Variants in AGBL1 observed in about 807,000 individuals in gnomAD.
AGBL1 encodes AGBL carboxypeptidase 1.
AGBL1 carries 130 observed loss-of-function variants against 118.9 expected under a neutral mutation model. The ratio of observed to expected loss-of-function variants is 1.09; its 90% CI spans 0.95 to 1.26. The LOEUF (loss-of-function observed/expected upper bound fraction) is 1.26, where lower values mean the gene tolerates loss of function less well. Among genes scored for constraint, AGBL1 ranks in the 50% most tolerant of loss-of-function variants. The pLI is 0.00. For synonymous variants in AGBL1, 555 were observed against 478.9 expected (o/e 1.16, Z -2.08); for missense variants, 1,584 against 1,298.1 (o/e 1.22, Z -3.38).
At chr15:86,696,231 A>G (rs577244926) in intron 22 of AGBL1, among the ~76,000 whole-genome samples, 2 of 152,076 alleles carry the variant, frequency 1.3e-5, no homozygotes, top group South Asian at 4.1e-4. Context: ...TCTTAGGTCT[A>G]GTAGTAACTG....
In AGBL1 at chr15:86,522,867, T is replaced by A; in HGVS notation, c.2613T>A (p.Ala871=). 1 of 1,613,948 alleles carries A rather than the reference T, an allele frequency of 6.2e-7. No homozygotes were observed. The highest frequency in any genetic ancestry group is 1.3e-5 in the African/African-American group (1 of 75,046). ...ACAGACAATGGCTTTCTCCCAGTGC[T>A]CATCTGCAGCCAACCATTTACCATG... ...DLNRQWLSPS[A]HLQPTIYHAK... The change falls in exon 19 of 23, where the codon GCT becomes GCA. Residue 871 remains alanine, a synonymous_variant. Transcript: ENST00000614907.
intron 24 of AGBL1, among the ~76,000 whole-genome samples, chr15:87,015,153 C>G (rs2081597143): frequency 1.3e-5 from 2 of 152,114 alleles, no homozygotes; most frequent in Admixed American, 1.3e-4. Context: ...ACTCTGAAAC[C>G]TGCACCTTTA....
At chr15:86,573,576 C>T (rs1002898205) in intron 21 of AGBL1, among the ~76,000 whole-genome samples, 1 of 152,180 alleles carries the variant, frequency 6.6e-6, no homozygotes, top group Non-Finnish European at 1.5e-5. Flanking sequence ...TCCTAGTTGT[C>T]TTTCATCCTA....
rs76097641 is a variant in AGBL1 at position 86,214,271 on chromosome 15, T to C, written c.489-10643T>C. On this transcript the variant is annotated intron_variant, in intron 5 of 22. Coordinates refer to ENST00000614907, the MANE Select transcript of AGBL1 (RefSeq NM_001386094.1). ...GAGATAGGATATCACATCTTTTCTT[T>C]TGTGCTGCCAGATATTTCAAGAGTG... Among the ~76,000 whole-genome samples the C allele has an allele frequency of 1.6e-3, 248 of 152,326 alleles. 11 individuals are homozygous for C. In the East Asian group the frequency reaches 0.047, roughly 29 times the overall value.
intron 21 of AGBL1, among the ~76,000 whole-genome samples, chr15:86,595,449 C>T (rs1378452561): frequency 6.6e-6 from 1 of 152,150 alleles, no homozygotes; most frequent in African/African-American, 2.4e-5. Context: ...TCCTTGGCTT[C>T]AACTATGAAT....
intron 17 of AGBL1, among the ~76,000 whole-genome samples, chr15:86,298,285 A>AAT (rs2079686118): frequency 1.2e-5 from 1 of 84,182 alleles, no homozygotes; most frequent in Non-Finnish European, 2.3e-5. Flanking sequence ...ATATATGGTA[A>AAT]CTATATATAT....
At chr15:86,284,306 A>G (rs2079406648) in intron 16 of AGBL1, among the ~76,000 whole-genome samples, 1 of 152,048 alleles carries the variant, frequency 6.6e-6, no homozygotes. Flanking sequence ...CCAAATCATC[A>G]TAATATAGCT....
intron 17 of AGBL1, among the ~76,000 whole-genome samples, chr15:86,365,001 A>ATATATATATATATT (rs2080864465): frequency 7.6e-6 from 1 of 131,972 alleles, no homozygotes; most frequent in African/African-American, 3.0e-5. Flanking sequence ...ACACACACAT[A>ATATATATATATATT]TATATATACA....
At position 86,950,506 on chromosome 15, in the gene AGBL1, CA is replaced by C. The variant is rs1441426499; in HGVS notation, c.3222-37476del. Among the ~76,000 whole-genome samples, 7 of 146,308 alleles carry C rather than the reference CA, an allele frequency of 4.8e-5. No individual in the cohort carries two copies. The East Asian group carries it at 1.4e-3, about 29-fold the overall frequency. ...ATAAGTAGGACAGAAAAGCAGTAACCAAAAAGAAAAAAATATATATATGTAT... is the reference window on the plus strand; with the variant it reads ...ATAAGTAGGACAGAAAAGCAGTAACCAAAAGAAAAAAATATATATATGTAT... On this transcript the variant is annotated intron_variant, in intron 23 of 24. Coordinates refer to the AGBL1 transcript ENST00000441037.
chr15:86,734,776 TG>T (rs1459620752), intron 22 of AGBL1, among the ~76,000 whole-genome samples: 1 of 152,144 alleles, frequency 6.6e-6, no homozygotes, highest in Non-Finnish European at 1.5e-5. Context: ...TAGTTTTTTG[TG>T]GTTCTTAGGT....
intron 21 of AGBL1, among the ~76,000 whole-genome samples, chr15:86,580,365 C>G (rs1236975011): frequency 6.6e-6 from 1 of 152,052 alleles, no homozygotes; most frequent in African/African-American, 2.4e-5. Context: ...GTCAACTTAA[C>G]TATGTATACA....
At chr15:86,632,135 G>A (rs2084981593) in intron 21 of AGBL1, among the ~76,000 whole-genome samples, 1 of 151,804 alleles carries the variant, frequency 6.6e-6, no homozygotes, top group Non-Finnish European at 1.5e-5. Context: ...AGGTGTGGTG[G>A]CTCACATTTG....
intron 24 of AGBL1, among the ~76,000 whole-genome samples, chr15:87,006,282 C>T (rs1017357711): frequency 1.3e-5 from 2 of 152,116 alleles, no homozygotes; most frequent in Admixed American, 1.3e-4. Context: ...TATGCCCTGC[C>T]CCCAGAGGTG....
Position 86,595,731 on chromosome 15 carries a change from G to T in AGBL1, c.2994+41194G>T, listed in dbSNP as rs554887821. Among the ~76,000 whole-genome samples, 3 of 152,228 alleles carry T rather than the reference G, an allele frequency of 2.0e-5. No individual in the cohort carries two copies. In the South Asian group the frequency reaches 6.2e-4, roughly 32 times the overall value. On this transcript the variant is annotated intron_variant, in intron 21 of 22. Transcript: ENST00000614907. ...CAGTAGAAAAAGTTTAATTAATGCA[G>T]GGCTAGCGGAGTGATAGATATGAGT... is the stretch of plus-strand genomic sequence containing the variant.
At chr15:86,798,300 CTT>C (rs939443066) in intron 22 of AGBL1, among the ~76,000 whole-genome samples, 1 of 152,146 alleles carries the variant, frequency 6.6e-6, no homozygotes, top group Non-Finnish European at 1.5e-5. Flanking sequence ...GAAATTTAGA[CTT>C]TAACTCTCCA....
In AGBL1 at chr15:86,909,910, C is replaced by A. The variant is rs1416813657; in HGVS notation, c.*2616C>A. The A allele has an allele frequency of 2.0e-5, 3 of 152,152 alleles. No individual in the cohort carries two copies. In the East Asian group the frequency reaches 5.8e-4, roughly 29 times the overall value. 9.4% of individuals were successfully genotyped at this position (152,152 alleles called of 1,614,324 possible). A position where few individuals can be genotyped will look rare whatever the true frequency, so the allele number is the denominator to read the frequency against. On this transcript the variant is annotated 3_prime_UTR_variant, in exon 23 of 23. Coordinates refer to ENST00000614907, the MANE Select transcript of AGBL1 (RefSeq NM_001386094.1). ...TTTATGTGGCATGTTCAGAAAAAGCCAGGAACATGAAGTATTTGTTGATCC... is the reference window on the plus strand; with the variant it reads ...TTTATGTGGCATGTTCAGAAAAAGCAAGGAACATGAAGTATTTGTTGATCC...
At chr15:86,699,739 C>G (rs2086323493) in intron 22 of AGBL1, among the ~76,000 whole-genome samples, 1 of 151,984 alleles carries the variant, frequency 6.6e-6, no homozygotes, top group Non-Finnish European at 1.5e-5. Context: ...GTTGATTTGT[C>G]CCATTACAGA....
chr15:86,906,580 G>A (rs987028346), intron 22 of AGBL1, among the ~76,000 whole-genome samples: 1 of 152,098 alleles, frequency 6.6e-6, no homozygotes, highest in Non-Finnish European at 1.5e-5. Flanking sequence ...TGGGAAACAC[G>A]AGGGCTTTGA....
At chr15:86,466,530 C>T (rs539118688) in intron 18 of AGBL1, among the ~76,000 whole-genome samples, 1 of 152,286 alleles carries the variant, frequency 6.6e-6, no homozygotes, top group South Asian at 2.1e-4. Flanking sequence ...AGTTTTGTTC[C>T]CTTGCTGGCA....
Sources: allele counts gnomAD v4.1 joint callset (sites outside exome capture counted in the v4.1 genomes callset), GRCh38; gene constraint gnomAD v4.1.1; transcripts MANE v1.5; gene names NCBI Gene and HGNC (gene_info 2026-07-23, HGNC 2026-07-21).